The following KPNA3 variants were observed in gnomAD, a reference collection of about 807,000 sequenced individuals.
KPNA3 encodes the protein karyopherin subunit alpha 3, also known as importin subunit alpha-4.
Under a neutral mutation model 73.8 loss-of-function variants are expected in KPNA3, and 13 were observed. The observed-to-expected ratio is 0.18, with a 90% CI of 0.11 to 0.28. The LOEUF (loss-of-function observed/expected upper bound fraction) is 0.28. KPNA3 is among the 10% of genes least tolerant of loss of function. The pLI is 1.00. For synonymous variants in KPNA3, 186 were observed against 206.9 expected (o/e 0.90, Z 0.87); for missense variants, 360 against 618.1 (o/e 0.58, Z 4.43).
chr13:49,753,026 C>CAAAAAAAAAAAAAAAAAAA (rs71078888), intron 1 of KPNA3, among the ~76,000 whole-genome samples: 4 of 82,204 alleles, frequency 4.9e-5, no homozygotes, highest in Admixed American at 1.4e-4. Context: ...GACTCTGTCT[C>CAAAAAAAAAAAAAAAAAAA]AAAAAAAAAA....
In KPNA3 at chr13:49,732,777, C is replaced by A; in HGVS notation, c.205-1G>T. The A allele has an allele frequency of 1.3e-6, 2 of 1,560,052 alleles. No homozygotes were observed. Among genetic ancestry groups the A allele is most frequent in the Non-Finnish European group, 1.7e-6 (2 of 1,144,208 alleles). On this transcript the variant is annotated splice_acceptor_variant, in intron 3 of 16. Transcript: ENST00000261667. LOFTEE classifies it high-confidence loss of function. ...ATATAGCTTCTAGGGTTACATTTTG[C>A]TTAAAAAGAAAAAAAAAATAGTTCA...
chr13:49,757,252 G>A (rs1474795948), intron 1 of KPNA3, among the ~76,000 whole-genome samples: 1 of 122,022 alleles, frequency 8.2e-6, no homozygotes, highest in Non-Finnish European at 1.7e-5. Context: ...AAAAAGAGAA[G>A]CTAGAGACTA....
chr13:49,784,817 T>C (rs1954968842), intron 1 of KPNA3, among the ~76,000 whole-genome samples: 1 of 152,210 alleles, frequency 6.6e-6, no homozygotes, highest in Non-Finnish European at 1.5e-5. Context: ...TTCTAGCCAC[T>C]GTACTAAGTG....
At chr13:49,722,315 T>C (rs1402697494) in intron 8 of KPNA3, among the ~76,000 whole-genome samples, 162 bp downstream of exon 8, 2 of 152,238 alleles carry the variant, frequency 1.3e-5, no homozygotes, top group Admixed American at 6.5e-5. Context: ...AACAGCAAAC[T>C]GTATATCCTT....
At position 49,711,118 on chromosome 13, in the gene KPNA3, A is replaced by G. The variant is rs1954256334; in HGVS notation, c.772-96T>C. 3 of 1,222,224 alleles carry G rather than the reference A, an allele frequency of 2.5e-6. No homozygotes were observed. The South Asian group carries it at 5.0e-5, about 20-fold the overall frequency. The allele number at this position is 1,222,224 out of a possible 1,614,324, so 75.7% of individuals were successfully genotyped here. A position where few individuals can be genotyped will look rare whatever the true frequency, so the allele number is the denominator to read the frequency against. On this transcript the variant is annotated intron_variant, in intron 10 of 16. Coordinates refer to ENST00000261667, the MANE Select transcript of KPNA3 (RefSeq NM_002267.4). The stretch of plus-strand genomic sequence containing the variant: ...GGAGTAGTGACAGAAAAAGTAACCA[A>G]ATTTCAAGTTTTAGCTTAGTGGCAA...
rs552160380 is a variant in KPNA3, at chr13:49,704,290, G to A, written c.1372+1331C>T. 6.6e-5 allele frequency among the ~76,000 whole-genome samples: 10 copies of A among 152,014 alleles called. No homozygotes were observed. The South Asian group carries it at 2.1e-3, about 32-fold the overall frequency. On this transcript the variant is annotated intron_variant, in intron 15 of 16. Coordinates refer to ENST00000261667, the MANE Select transcript of KPNA3 (RefSeq NM_002267.4). ...TACAAAAATTTAGCCGGGCGTGGTG[G>A]TGCATGCCTATAATCCCAGCTACTA...
At chr13:49,719,898 C>G in intron 9 of KPNA3, 79 bp from the exon 10 acceptor site, 1 of 931,698 alleles carries the variant, frequency 1.1e-6, no homozygotes, top group South Asian at 1.4e-5. Context: ...ACATAAAAAG[C>G]GGTAAATATG....
At chr13:49,719,052 G>A (rs968645176) in intron 10 of KPNA3, among the ~76,000 whole-genome samples, 21 of 152,000 alleles carry the variant, frequency 1.4e-4, no homozygotes, top group African/African-American at 4.8e-4. Context: ...ACTAGTCACC[G>A]AAATTTATCC....
At chr13:49,762,184 C>T (rs184247403) in intron 1 of KPNA3, among the ~76,000 whole-genome samples, 1 of 150,410 alleles carries the variant, frequency 6.6e-6, no homozygotes, top group African/African-American at 2.4e-5. Flanking sequence ...CCAGCCGCCT[C>T]GTCCGGGAGG....
chr13:49,779,861 T>A (rs6561563), intron 1 of KPNA3, among the ~76,000 whole-genome samples: 64,792 of 151,880 alleles, frequency 0.43, 14,332 homozygotes, highest in South Asian at 0.59. Context: ...ATACAATGAA[T>A]GGCTTATTGT....
At chr13:49,740,295 T>C (rs554087268) in intron 2 of KPNA3, among the ~76,000 whole-genome samples, 63 of 152,234 alleles carry the variant, frequency 4.1e-4, no homozygotes, top group African/African-American at 1.4e-3. Context: ...ATTTCATTTT[T>C]GTGTGTGTGG....
At chr13:49,723,348 G>T (rs1297578715) in intron 7 of KPNA3, among the ~76,000 whole-genome samples, 2 of 152,008 alleles carry the variant, frequency 1.3e-5, no homozygotes, top group Non-Finnish European at 2.9e-5. Flanking sequence ...GAGGCAGATG[G>T]ATCACCAGGT....
intron 2 of KPNA3, 51 bp from the exon 3 acceptor site, chr13:49,733,097 G>GA (rs752133109): frequency 2.7e-6 from 3 of 1,120,586 alleles, no homozygotes; most frequent in Non-Finnish European, 2.7e-6. Flanking sequence ...TACTGTTAAT[G>GA]AAAAATCCAT....
chr13:49,792,477 G>C lies in KPNA3; in HGVS notation c.30C>G (p.His10Gln). 6.3e-7 allele frequency: 1 copy of C among 1,584,394 alleles called. No homozygotes were observed. MAENPSLEN[H>Q]RIKSFKNKGR... ...CCTTGTTCTTGAAGCTCTTGATGCG[G>C]TGGTTCTCCAAGCTGGGGTTCTCGG... Residue 10 changes from histidine (H) to glutamine (Q), a missense_variant, in exon 1 of 17, where the codon CAC becomes CAG. His to Gln is a conservative substitution (Grantham distance 24, BLOSUM62 0). Coordinates refer to ENST00000261667, the MANE Select transcript of KPNA3 (RefSeq NM_002267.4).
At chr13:49,733,568 C>G (rs990518082) in intron 2 of KPNA3, among the ~76,000 whole-genome samples, 1 of 152,124 alleles carries the variant, frequency 6.6e-6, no homozygotes, top group Admixed American at 6.5e-5. Context: ...GGATTACAAG[C>G]GTGAGCCACT....
In KPNA3 at chr13:49,755,371, C is replaced by T. The variant is rs74908619; in HGVS notation, c.70-8378G>A. 7.3e-3 allele frequency among the ~76,000 whole-genome samples: 1,105 copies of T among 152,254 alleles called. 5 individuals carry two copies. Among genetic ancestry groups the T allele is most frequent in the Non-Finnish European group, 0.013 (898 of 68,026 alleles). On this transcript the variant is annotated intron_variant, in intron 1 of 16. Transcript: ENST00000261667. ...ATTCTAGTGGTGAAAAGTCTGAATACTATGTTTCCCTAGATTGAGAACAAG... is the reference window on the plus strand; with the variant it reads ...ATTCTAGTGGTGAAAAGTCTGAATATTATGTTTCCCTAGATTGAGAACAAG...
chr13:49,764,278 C>T (rs1184714697), intron 1 of KPNA3, among the ~76,000 whole-genome samples: 1 of 152,010 alleles, frequency 6.6e-6, no homozygotes, highest in Non-Finnish European at 1.5e-5. Flanking sequence ...ATTCTCACTC[C>T]AAAAGCTGAG....
intron 6 of KPNA3, among the ~76,000 whole-genome samples, chr13:49,727,960 G>A (rs906939197): frequency 6.6e-6 from 1 of 152,160 alleles, no homozygotes; most frequent in African/African-American, 2.4e-5. Context: ...AGTCGGCCGG[G>A]CATGGTGGCT....
At chr13:49,741,109 A>G (rs1231675322) in intron 2 of KPNA3, among the ~76,000 whole-genome samples, 1 of 152,162 alleles carries the variant, frequency 6.6e-6, no homozygotes, top group Non-Finnish European at 1.5e-5. Context: ...ATGGGAGTGC[A>G]GGTATCTCTT....
Sources: gnomAD v4.1 joint callset for allele counts (sites outside exome capture counted in the v4.1 genomes callset) on GRCh38, gnomAD v4.1.1 for gene constraint, MANE v1.5 for transcripts, NCBI Gene and HGNC (gene_info 2026-07-23, HGNC 2026-07-21) for gene names.